IL1R1: variants seen among roughly 807,000 people sequenced by gnomAD.
The protein encoded by IL1R1 is interleukin 1 receptor type 1, also known as interleukin-1 receptor type 1.
In IL1R1, 22 loss-of-function variants were observed where a neutral mutation model predicts 50.2. That is an observed-to-expected ratio of 0.44 (90% confidence interval 0.31 to 0.63). The LOEUF is 0.63. IL1R1 is among the 20% of genes least tolerant of loss of function. The probability of loss-of-function intolerance (pLI) is 0.07; values close to 1 mark genes in which losing one functional copy is unlikely to be tolerated. For synonymous variants in IL1R1, 251 were observed against 236.7 expected, an observed-to-expected ratio of 1.06 and a Z score of -0.55; for missense variants, 509 against 676.2, an observed-to-expected ratio of 0.75 and a Z score of 2.74.
intron 1 of IL1R1, 79 bp from the exon 2 acceptor site, chr2:102,153,862 G>A (rs902272557): frequency 6.6e-6 from 1 of 152,302 alleles, no homozygotes; most frequent in Non-Finnish European, 1.5e-5. Context: ...ACTAATACAT[G>A]CCTCTTGAGA....
At chr2:102,159,662 G>A (rs1684523427) in intron 3 of IL1R1, among the ~76,000 whole-genome samples, 1 of 152,164 alleles carries the variant, frequency 6.6e-6, no homozygotes, top group Non-Finnish European at 1.5e-5. Context: ...TTGCTGTGGA[G>A]CTCTTGGTGA....
chr2:102,142,719 G>C (rs953142939), upstream of IL1R1: 1 of 151,124 alleles, frequency 6.6e-6, no homozygotes, highest in Non-Finnish European at 1.5e-5. Context: ...CCGCAGCGGC[G>C]GGGCTAGAGC....
intron 1 of IL1R1, among the ~76,000 whole-genome samples, chr2:102,076,443 T>C (rs1559449166): frequency 6.6e-6 from 1 of 152,208 alleles, no homozygotes; most frequent in South Asian, 2.1e-4. Flanking sequence ...TTCCATTTGG[T>C]ATAATTTTCT....
At chr2:102,127,781 T>C (rs950398828) in intron 1 of IL1R1, among the ~76,000 whole-genome samples, 8 of 151,978 alleles carry the variant, frequency 5.3e-5, no homozygotes, top group East Asian at 1.9e-4. Flanking sequence ...TGGATGTTAG[T>C]AGTGTAGGAG....
intron 6 of IL1R1, among the ~76,000 whole-genome samples, chr2:102,168,040 T>C (rs559572236): frequency 4.3e-4 from 65 of 152,312 alleles, no homozygotes; most frequent in Middle Eastern, 3.4e-3. Context: ...TAGTTTCTCA[T>C]AGTTTCTTCA....
At chr2:102,149,787 T>A (rs1489402528) in intron 1 of IL1R1, among the ~76,000 whole-genome samples, 1 of 151,974 alleles carries the variant, frequency 6.6e-6, no homozygotes, top group Non-Finnish European at 1.5e-5. Flanking sequence ...GGAAGGGAGC[T>A]GGGGAGAGGC....
Position 102,142,899 on chromosome 2 carries a change from A to G in IL1R1, c.-205A>G, listed in dbSNP as rs1372637127. ...CGCCCCAGGGAGCGGCAGGAATGTG[A>G]CAATCGCGCGCCCGCGCACCGAAGC... On this transcript the variant is annotated 5_prime_UTR_variant, in exon 1 of 12. An upstream open reading frame in the 5' UTR loses its in-frame stop. Coordinates refer to ENST00000410023, the MANE Select transcript of IL1R1 (RefSeq NM_000877.4). 6 of 151,338 alleles carry G rather than the reference A, an allele frequency of 4.0e-5. No individual in the cohort carries two copies. Among genetic ancestry groups the G allele is most frequent in the African/African-American group, 1.5e-4 (6 of 41,332 alleles). The allele number at this position is 151,338 out of a possible 1,614,324, so 9.4% of individuals were successfully genotyped here.
At chr2:102,100,713 AATCTTTCCC>A (rs570111605), upstream of IL1R1, among the ~76,000 whole-genome samples, 1 of 152,008 alleles carries the variant, frequency 6.6e-6, no homozygotes, top group Non-Finnish European at 1.5e-5. Flanking sequence ...ATTCATCTAG[AATCTTTCCC>A]ATTCCTTCAT....
exon 1 of IL1R1, chr2:102,070,419 G>T (rs115117034): frequency 1.9e-4 from 29 of 152,264 alleles, no homozygotes; most frequent in African/African-American, 6.5e-4. Context: ...AAAAATGGGA[G>T]GTGACACCCA....
chr2:102,169,517 A>G (rs147682108), intron 7 of IL1R1, among the ~76,000 whole-genome samples: 32 of 152,352 alleles, frequency 2.1e-4, no homozygotes, highest in Non-Finnish European at 1.5e-5. Flanking sequence ...TGAAAGTTCT[A>G]TTGGAAACCA....
chr2:102,087,616 T>C (rs1267763464), intron 1 of IL1R1, among the ~76,000 whole-genome samples: 2 of 152,110 alleles, frequency 1.3e-5, no homozygotes, highest in Non-Finnish European at 2.9e-5. Context: ...GAGTGTGAGT[T>C]CTCATGAGGT....
At chr2:102,175,873 G>T (rs1255008797) in intron 11 of IL1R1, 2 of 604,842 alleles carry the variant, frequency 3.3e-6, no homozygotes, top group African/African-American at 3.7e-5. Flanking sequence ...AAAACTTAAT[G>T]ACTAGTTAAA....
intron 1 of IL1R1, among the ~76,000 whole-genome samples, chr2:102,143,804 G>C (rs1682884055): frequency 6.6e-6 from 1 of 152,202 alleles, no homozygotes; most frequent in South Asian, 2.1e-4. Context: ...CTGCTGGGCT[G>C]TCTCTCCACT....
intron 1 of IL1R1, among the ~76,000 whole-genome samples, chr2:102,148,377 A>G (rs1683340733): frequency 6.6e-6 from 1 of 152,304 alleles, no homozygotes. Flanking sequence ...ATTTCTCATC[A>G]GAATTGCATA....
chr2:102,175,151 A>G (rs1298229560), intron 10 of IL1R1, among the ~76,000 whole-genome samples: 1 of 150,816 alleles, frequency 6.6e-6, no homozygotes, highest in Non-Finnish European at 1.5e-5. Context: ...CACAATATCT[A>G]AAAAAAAATG....
chr2:102,100,914 G>A (rs1177714460), upstream of IL1R1, among the ~76,000 whole-genome samples: 1 of 152,180 alleles, frequency 6.6e-6, no homozygotes, highest in Non-Finnish European at 1.5e-5. Flanking sequence ...ATAGGAGTAT[G>A]ATAAGCAGCC....
At chr2:102,090,134 T>G (rs1227726687) in intron 1 of IL1R1, among the ~76,000 whole-genome samples, 1 of 151,430 alleles carries the variant, frequency 6.6e-6, no homozygotes, top group East Asian at 1.9e-4. Flanking sequence ...GCGCCCAGCC[T>G]ATCCTTTTTT....
chr2:102,117,577 C>T (rs995645714), intron 1 of IL1R1, among the ~76,000 whole-genome samples: 4 of 152,208 alleles, frequency 2.6e-5, no homozygotes, highest in African/African-American at 7.2e-5. Context: ...AATATCCGTC[C>T]TAATTTTCTT....
chr2:102,101,968 T>C (rs1465804626), upstream of IL1R1, among the ~76,000 whole-genome samples: 1 of 152,116 alleles, frequency 6.6e-6, no homozygotes, highest in African/African-American at 2.4e-5. Context: ...CAAAAGCGTG[T>C]GTGTGGGTGC....
Sources: gnomAD v4.1 joint callset for allele counts (sites outside exome capture counted in the v4.1 genomes callset) on GRCh38, gnomAD v4.1.1 for gene constraint, MANE v1.5 for transcripts, NCBI Gene and HGNC (gene_info 2026-07-23, HGNC 2026-07-21) for gene names.